FZD6: variants seen among roughly 807,000 people sequenced by gnomAD.
FZD6 encodes the protein frizzled-6.
FZD6 carries 49 observed loss-of-function variants against 61.4 expected under a neutral mutation model. The observed-to-expected ratio is 0.80, with a 90% CI of 0.63 to 1.01. FZD6 has a LOEUF of 1.01. FZD6 is among the 50% of genes least tolerant of loss of function. The pLI is 0.00. For synonymous variants in FZD6, 265 were observed against 292.2 expected (o/e 0.91, Z 0.95); for missense variants, 724 against 848.2 (o/e 0.85, Z 1.82).
rs1372355519 is a variant in FZD6 at position 103,325,234 on chromosome 8, C to T, written c.1128C>T (p.Cys376=). Residue 376 remains cysteine (C), a synonymous_variant, in exon 4 of 7, where the codon TGC becomes TGT. Transcript: ENST00000358755. ...GCTACTTTGTACTCTTGCCACTGTG[C>T]CTTTGTGTGTTTGTTGGGCTCTCTC... ...ASRYFVLLPL[C]LCVFVGLSLL... 6.2e-7 allele frequency: 1 copy of T among 1,614,104 alleles called. No individual in the cohort carries two copies. The highest frequency in any genetic ancestry group is 2.2e-5 in the East Asian group (1 of 44,888).
intron 2 of FZD6, among the ~76,000 whole-genome samples, chr8:103,310,841 G>T (rs1179654852): frequency 6.6e-6 from 1 of 152,206 alleles, no homozygotes; most frequent in Non-Finnish European, 1.5e-5. Flanking sequence ...GCCATGGGTT[G>T]CCAGATTTCC....
At chr8:103,330,824 A>G (rs1368456807) in intron 6 of FZD6, among the ~76,000 whole-genome samples, 6 of 152,228 alleles carry the variant, frequency 3.9e-5, no homozygotes, top group Non-Finnish European at 8.8e-5. Context: ...TTCCATGTTC[A>G]GCCCTATATA....
Position 103,328,355 on chromosome 8 carries a change from G to A in FZD6, c.1480G>A (p.Val494Ile), listed in dbSNP as rs1815017397. The change falls in exon 5 of 7, where the codon GTT becomes ATT. Residue 494 changes from valine to isoleucine, a missense_variant. Transcript: ENST00000358755. ...TGTTGGCATCTCTGCTGTCTTCTGG[G>A]TTGGAAGCAAAAAGACATGCACAGA... ...LIVGISAVFW[V>I]GSKKTCTEWA... 4 of 1,612,526 alleles carry A rather than the reference G, an allele frequency of 2.5e-6. No individual in the cohort carries two copies. The highest frequency in any genetic ancestry group is 3.4e-6 in the Non-Finnish European group (4 of 1,178,670).
intron 1 of FZD6, 32 bp from the exon 2 acceptor site, chr8:103,299,923 TG>T: frequency 1.8e-6 from 1 of 568,648 alleles, no homozygotes; most frequent in South Asian, 2.0e-5. Flanking sequence ...TTATGACAAA[TG>T]TTGCTGATAC....
At chr8:103,327,859 G>A (rs987403902) in intron 4 of FZD6, among the ~76,000 whole-genome samples, 6 of 151,806 alleles carry the variant, frequency 4.0e-5, no homozygotes, top group African/African-American at 4.8e-5. Context: ...TATTAATAAC[G>A]TATAAAAGCT....
rs1239347824 is a variant in FZD6 at position 103,332,129 on chromosome 8, A to AATTATAAAAT, written c.*620_*621insATTATAAAAT. 4 of 152,778 alleles carry AATTATAAAAT rather than the reference A, an allele frequency of 2.6e-5. No homozygotes were observed. The East Asian group carries it at 7.7e-4, about 29-fold the overall frequency. The allele number at this position is 152,778 out of a possible 1,614,324, so 9.5% of individuals were successfully genotyped here. On this transcript the variant is annotated 3_prime_UTR_variant, in exon 7 of 7. Transcript: ENST00000358755. ...ACTTATTGATACCTTACCATCTAAA[A>AATTATAAAAT]TGTGTGATTTTTATAGTCTCGTTTT...
chr8:103,300,293 T>A lies in FZD6; in HGVS notation c.177+9T>A, dbSNP rs1451240786. On this transcript the variant is annotated intron_variant, in intron 2 of 6. Transcript: ENST00000358755. ...CCGCGGTGGAAATGGAGGTGAGTAG[T>A]GCTTCATACGTTTATTGAATAGTAG... 6.4e-7 allele frequency: 1 copy of A among 1,563,794 alleles called. No homozygotes were observed. The highest frequency in any genetic ancestry group is 1.7e-5 in the Admixed American group (1 of 59,964).
rs753953103 is a variant in FZD6, at chr8:103,300,261, A to G, written c.154A>G (p.Ser52Gly). ...TAATCTGATGGGTCATTATGACCAG[A>G]GTATTGCCGCGGTGGAAATGGAGGT... ...FPNLMGHYDQ[S>G]IAAVEMEHFL... Residue 52 changes from serine to glycine, a missense_variant, in exon 2 of 7, where the codon AGT becomes GGT. Ser to Gly is a moderately conservative substitution (Grantham distance 56, BLOSUM62 0). Coordinates refer to ENST00000358755, the MANE Select transcript of FZD6 (RefSeq NM_003506.4). 16 of 1,611,826 alleles carry G rather than the reference A, an allele frequency of 9.9e-6. No individual in the cohort carries two copies. The highest frequency in any genetic ancestry group is 1.3e-5 in the Non-Finnish European group (15 of 1,177,852).
rs141288802 is a variant in FZD6 at position 103,330,050 on chromosome 8, C to G, written c.1937C>G (p.Ala646Gly). ...KGQAGSVSES[A>G]RSEGRISPKS... Reference sequence around the variant, plus strand: ...CAGGCAGGCAGTGTATCTGAAAGTGCGCGGAGTGAAGGAAGGTGAGATTTG... The same window carrying G: ...CAGGCAGGCAGTGTATCTGAAAGTGGGCGGAGTGAAGGAAGGTGAGATTTG... Residue 646 changes from alanine to glycine, a missense_variant, in exon 6 of 7, where the codon GCG (alanine) becomes GGG (glycine). Transcript: ENST00000358755. 1 of 1,613,624 alleles carries G rather than the reference C, an allele frequency of 6.2e-7. No individual in the cohort carries two copies. The highest frequency in any genetic ancestry group is 1.3e-5 in the African/African-American group (1 of 74,996).
Position 103,318,622 on chromosome 8 carries a change from A to G in FZD6, c.210A>G (p.Ser70=), listed in dbSNP as rs772727678. Residue 70 remains serine, a synonymous_variant, in exon 3 of 7, where the codon TCA becomes TCG. Transcript: ENST00000358755. Reference sequence around the variant, plus strand: ...TTCCTCTCGCAAATCTGGAATGTTCACCAAACATTGAAACTTTCCTCTGCA... The same window carrying G: ...TTCCTCTCGCAAATCTGGAATGTTCGCCAAACATTGAAACTTTCCTCTGCA... ...HFLPLANLEC[S]PNIETFLCKA... 81 of 1,610,002 alleles carry G rather than the reference A, an allele frequency of 5.0e-5. 1 individual carries two copies. In the Middle Eastern group the frequency reaches 1.2e-3, roughly 23 times the overall value.
chr8:103,315,223 T>G (rs1433124241), intron 2 of FZD6, among the ~76,000 whole-genome samples: 1 of 152,218 alleles, frequency 6.6e-6, no homozygotes, highest in African/African-American at 2.4e-5. Flanking sequence ...TTAGGTAATT[T>G]CAGCCAGTTA....
At chr8:103,319,265 A>C (rs534843755) in intron 3 of FZD6, among the ~76,000 whole-genome samples, 2 of 152,258 alleles carry the variant, frequency 1.3e-5, no homozygotes, top group Admixed American at 1.3e-4. Flanking sequence ...CTGAACAGGG[A>C]GTGAGGGAGC....
chr8:103,330,168 G>A (rs2130347403), intron 6 of FZD6, 103 bp downstream of exon 6: 1 of 1,045,442 alleles, frequency 9.6e-7, no homozygotes, highest in Non-Finnish European at 1.5e-6. Flanking sequence ...GATATATTAT[G>A]TCTGTACTCT....
At chr8:103,314,186 A>T (rs1814570343) in intron 2 of FZD6, among the ~76,000 whole-genome samples, 1 of 152,236 alleles carries the variant, frequency 6.6e-6, no homozygotes, top group Non-Finnish European at 1.5e-5. Context: ...TAGCAAAAGT[A>T]CATGTATTGC....
chr8:103,324,434 C>G (rs769076499), intron 3 of FZD6, 47 bp from the exon 4 acceptor site: 1 of 1,019,746 alleles, frequency 9.8e-7, no homozygotes, highest in Non-Finnish European at 1.5e-6. Context: ...TATATTGAAT[C>G]AATAAAAATG....
chr8:103,309,238 G>T (rs559803577), intron 2 of FZD6, among the ~76,000 whole-genome samples: 5 of 152,328 alleles, frequency 3.3e-5, no homozygotes, highest in African/African-American at 1.2e-4. Context: ...GGGGCCACTT[G>T]TTGGGAACCA....
intron 2 of FZD6, among the ~76,000 whole-genome samples, chr8:103,317,156 A>C (rs1276668336): frequency 1.3e-5 from 2 of 152,240 alleles, no homozygotes; most frequent in African/African-American, 2.4e-5. Flanking sequence ...AAGACTCACT[A>C]TCTGGGTGAA....
In FZD6 at chr8:103,324,890, A is replaced by G; in HGVS notation, c.784A>G (p.Lys262Glu). The change falls in exon 4 of 7, where the codon AAG becomes GAG. Residue 262 changes from lysine (K) to glutamate (E), a missense_variant. By Grantham distance (56) the Lys-to-Glu change is moderately conservative. Transcript: ENST00000358755. ...GCTAGGCGATAGCACAGCCTGCAAT[A>G]AGGCAGATGAGAAGCTAGAACTTGG... ...FLLGDSTACN[K>E]ADEKLELGDT... 6.2e-7 allele frequency: 1 copy of G among 1,614,040 alleles called. No homozygotes were observed.
rs780555971 is a variant in FZD6, at chr8:103,328,331, G to T, written c.1456G>T (p.Val486Phe). The T allele has an allele frequency of 1.2e-6, 2 of 1,611,112 alleles. No individual in the cohort carries two copies. Among genetic ancestry groups the T allele is most frequent in the Non-Finnish European group, 1.7e-6 (2 of 1,177,386 alleles). ...GATAAAATACCTGATGACATTAATT[G>T]TTGGCATCTCTGCTGTCTTCTGGGT... is the stretch of plus-strand genomic sequence containing the variant. ...FMIKYLMTLI[V>F]GISAVFWVGS... The change falls in exon 5 of 7, where the codon GTT becomes TTT. Residue 486 changes from valine to phenylalanine, a missense_variant. Physicochemically the swap from Val to Phe is conservative, Grantham distance 50. Transcript: ENST00000358755.
Sources: gnomAD v4.1 joint callset for allele counts (sites outside exome capture counted in the v4.1 genomes callset) on GRCh38, gnomAD v4.1.1 for gene constraint, MANE v1.5 for transcripts, NCBI Gene and HGNC (gene_info 2026-07-23, HGNC 2026-07-21) for gene names.